Variants in ADAMTSL1 observed in about 807,000 individuals in gnomAD.
ADAMTSL1 encodes the protein ADAMTS-like protein 1.
In ADAMTSL1, 126 loss-of-function variants were observed where a neutral mutation model predicts 201.8. The observed-to-expected ratio is 0.62, with a 90% confidence interval of 0.54 to 0.72. ADAMTSL1 has a LOEUF of 0.72. Among genes scored for constraint, ADAMTSL1 ranks in the 30% least tolerant of loss-of-function variants. The pLI is 0.00. For missense variants in ADAMTSL1, 2,679 were observed against 2,277.8 expected, an observed-to-expected ratio of 1.18 and a Z score of -3.59; for synonymous variants, 1,121 against 903.4, an observed-to-expected ratio of 1.24 and a Z score of -4.32.
At chr9:18,718,990 G>C (rs1833153383) in intron 14 of ADAMTSL1, among the ~76,000 whole-genome samples, 1 of 152,112 alleles carries the variant, frequency 6.6e-6, no homozygotes, top group Admixed American at 6.6e-5. Context: ...ATTCTGTATG[G>C]GATAGAAAGC....
rs966285510 is a variant in ADAMTSL1 at position 18,225,221 on chromosome 9, G to A, written c.207+61240G>A. On this transcript the variant is annotated intron_variant, in intron 2 of 29. Coordinates refer to the ADAMTSL1 transcript ENST00000680146. Reference sequence around the variant, plus strand: ...CAGGCTGGTCCACATGGTGAATGTGGCCTGAAACATACCTTCCTCTAAAGT... The same window carrying A: ...CAGGCTGGTCCACATGGTGAATGTGACCTGAAACATACCTTCCTCTAAAGT... 1.3e-4 allele frequency among the ~76,000 whole-genome samples: 20 copies of A among 152,102 alleles called. 1 individual carries two copies. The highest frequency in any genetic ancestry group is 2.1e-4 in the Non-Finnish European group (14 of 68,016).
At chr9:18,552,681 G>C (rs138471410) in intron 3 of ADAMTSL1, among the ~76,000 whole-genome samples, 18 of 151,672 alleles carry the variant, frequency 1.2e-4, no homozygotes, top group Non-Finnish European at 1.5e-5. Context: ...CTTGTAGTCC[G>C]TTTGGGTTAT....
intron 2 of ADAMTSL1, among the ~76,000 whole-genome samples, chr9:18,181,370 T>G (rs989614514): frequency 6.6e-6 from 1 of 151,656 alleles, no homozygotes; most frequent in African/African-American, 2.4e-5. Flanking sequence ...TGGGAGAAAA[T>G]TTTTGCAAGC....
Position 18,889,385 on chromosome 9 carries a change from G to A in ADAMTSL1, c.4463-183G>A, listed in dbSNP as rs114708376. Among the ~76,000 whole-genome samples the A allele has an allele frequency of 4.2e-3, 647 of 152,250 alleles. 2 individuals carry two copies. The highest frequency in any genetic ancestry group is 0.012 in the African/African-American group (506 of 41,546). Reference sequence around the variant, plus strand: ...CATGGCTGAGGCCCCTAGAGACCACGTGACTTCCCCAAATAGTTCGGGAAT... The same window carrying A: ...CATGGCTGAGGCCCCTAGAGACCACATGACTTCCCCAAATAGTTCGGGAAT... On this transcript the variant is annotated intron_variant, in intron 24 of 28. Transcript: ENST00000380548.
intron 1 of ADAMTSL1, among the ~76,000 whole-genome samples, chr9:17,963,268 A>G (rs55712364): frequency 0.19 from 29,606 of 152,108 alleles, 3,247 homozygotes; most frequent in Middle Eastern, 0.33. Flanking sequence ...ATGTTTTGCT[A>G]TGTTTGCTTT....
intron 2 of ADAMTSL1, among the ~76,000 whole-genome samples, chr9:18,191,749 T>C (rs1828980398): frequency 6.6e-6 from 1 of 152,212 alleles, no homozygotes; most frequent in Non-Finnish European, 1.5e-5. Flanking sequence ...CTGGCATCAA[T>C]TCTTAGAGGG....
At chr9:18,116,586 A>G (rs1156886021) in intron 1 of ADAMTSL1, among the ~76,000 whole-genome samples, 3 of 152,156 alleles carry the variant, frequency 2.0e-5, no homozygotes, top group Non-Finnish European at 4.4e-5. Context: ...TAGTTCTCCA[A>G]TGAGTCATGT....
At chr9:17,985,103 T>C (rs1818868936) in intron 1 of ADAMTSL1, among the ~76,000 whole-genome samples, 1 of 152,150 alleles carries the variant, frequency 6.6e-6, no homozygotes, top group Admixed American at 6.5e-5. Context: ...CGTCACTCTT[T>C]TAATTGTATA....
In ADAMTSL1 at chr9:18,777,609, C is replaced by G. The variant is rs1024168017; in HGVS notation, c.3380C>G (p.Thr1127Ser). 3.1e-6 allele frequency: 5 copies of G among 1,613,408 alleles called. No homozygotes were observed. Among genetic ancestry groups the G allele is most frequent in the Non-Finnish European group, 2.5e-6 (3 of 1,179,800 alleles). ...DTLLKPSERR[T>S]SPVTLSPHKH... The stretch of plus-strand genomic sequence containing the variant: ...CTCCTGAAGCCCTCGGAGCGCAGGA[C>G]TTCCCCAGTGACTCTCTCGCCTCAT... Residue 1127 changes from threonine to serine, a missense_variant, in exon 19 of 29, where the codon ACT becomes AGT. By Grantham distance (58) the Thr-to-Ser change is moderately conservative (BLOSUM62 1). Transcript: ENST00000380548.
At chr9:18,618,923 A>G (rs752381286) in intron 4 of ADAMTSL1, among the ~76,000 whole-genome samples, 6 of 152,320 alleles carry the variant, frequency 3.9e-5, no homozygotes, top group South Asian at 4.1e-4. Context: ...ATAAGAGAAG[A>G]TGGATATTTG....
chr9:18,849,646 G>A (rs929087751), intron 23 of ADAMTSL1, among the ~76,000 whole-genome samples: 1 of 152,184 alleles, frequency 6.6e-6, no homozygotes, highest in South Asian at 2.1e-4. Flanking sequence ...GGGAAAGGAA[G>A]ACGGAGGGAA....
At chr9:18,166,568 C>T (rs1047305758) in intron 2 of ADAMTSL1, among the ~76,000 whole-genome samples, 1 of 151,848 alleles carries the variant, frequency 6.6e-6, no homozygotes, top group Non-Finnish European at 1.5e-5. Flanking sequence ...AATGTAAACT[C>T]AGGGATGTTT....
At chr9:18,885,777 G>C (rs780272836) in intron 23 of ADAMTSL1, among the ~76,000 whole-genome samples, 10 of 152,136 alleles carry the variant, frequency 6.6e-5, no homozygotes, top group Non-Finnish European at 1.3e-4. Context: ...AGTGAGCAAA[G>C]AAACGAAGGA....
chr9:18,642,446 A>G (rs1423573160), intron 7 of ADAMTSL1, among the ~76,000 whole-genome samples: 5 of 152,056 alleles, frequency 3.3e-5, no homozygotes, highest in Admixed American at 3.3e-4. Context: ...GAGAACACTT[A>G]AAATCTATCT....
chr9:18,552,627 T>TA (rs1393996628), intron 3 of ADAMTSL1, among the ~76,000 whole-genome samples: 2 of 151,790 alleles, frequency 1.3e-5, no homozygotes, highest in Non-Finnish European at 1.5e-5. Context: ...GAGAGAATGA[T>TA]ATTTAAAATC....
chr9:18,474,412 G>A, intron 1 of ADAMTSL1, 117 bp downstream of exon 1: 1 of 1,024,204 alleles, frequency 9.8e-7, no homozygotes, highest in Non-Finnish European at 1.5e-6. Context: ...AAAACTCCAG[G>A]TAAAATAATT....
In ADAMTSL1 at chr9:18,908,647, C is replaced by T. The variant is rs1320689018; in HGVS notation, c.*99C>T. The T allele has an allele frequency of 3.1e-6, 3 of 974,586 alleles. No homozygotes were observed. Among genetic ancestry groups the T allele is most frequent in the East Asian group, 2.7e-5 (1 of 37,580 alleles). The allele number at this position is 974,586 out of a possible 1,614,324, so 60.4% of individuals were successfully genotyped here. ...CTTTCTTCATTTTATTTATTTATTT[C>T]CCCCTCCCCACTCCACACACACCCT... On this transcript the variant is annotated 3_prime_UTR_variant, in exon 29 of 29. Transcript: ENST00000380548.
intron 1 of ADAMTSL1, among the ~76,000 whole-genome samples, chr9:18,503,416 A>ATT: frequency 1.6e-5 from 1 of 61,570 alleles, no homozygotes; most frequent in Non-Finnish European, 3.8e-5. Flanking sequence ...ATAGTATTCC[A>ATT]TTGTGTATAT....
chr9:18,066,055 C>G (rs934303802), intron 1 of ADAMTSL1, among the ~76,000 whole-genome samples: 1 of 137,914 alleles, frequency 7.3e-6, no homozygotes, highest in Non-Finnish European at 1.6e-5. Context: ...CTTATTTAAT[C>G]AGAATGATTG....
Sources: allele counts gnomAD v4.1 joint callset (sites outside exome capture counted in the v4.1 genomes callset), GRCh38; gene constraint gnomAD v4.1.1; transcripts MANE v1.5; gene names NCBI Gene and HGNC (gene_info 2026-07-23, HGNC 2026-07-21).